The following CTXND1 variants were observed in gnomAD, a reference collection of about 807,000 sequenced individuals.
CTXND1 encodes the protein cortexin domain-containing 1 protein.
At chr15:80,205,009 A>G (rs1403158659) in intron 1 of CTXND1, among the ~76,000 whole-genome samples, 1 of 152,226 alleles carries the variant, frequency 6.6e-6, no homozygotes, top group Non-Finnish European at 1.5e-5. Context: ...TACTGTTGTC[A>G]GGTCTTTATA....
intron 1 of CTXND1, among the ~76,000 whole-genome samples, chr15:80,224,932 C>T (rs1343130901): frequency 6.6e-6 from 1 of 152,190 alleles, no homozygotes; most frequent in Non-Finnish European, 1.5e-5. Context: ...TCAGTAAAGA[C>T]CAGGTTTCGC....
chr15:80,233,596 C>T (rs1439253600), intron 1 of CTXND1, among the ~76,000 whole-genome samples: 1 of 152,100 alleles, frequency 6.6e-6, no homozygotes, highest in Non-Finnish European at 1.5e-5. Context: ...AAGGATTCTT[C>T]CTCCCTGAAC....
At chr15:80,226,007 T>C (rs1315423644) in intron 1 of CTXND1, among the ~76,000 whole-genome samples, 1 of 152,258 alleles carries the variant, frequency 6.6e-6, no homozygotes, top group African/African-American at 2.4e-5. Context: ...GGGTTTATCC[T>C]GAGCACAGTG....
intron 1 of CTXND1, among the ~76,000 whole-genome samples, chr15:80,242,134 TAAGA>T (rs1279950121): frequency 6.6e-6 from 1 of 152,184 alleles, no homozygotes; most frequent in Non-Finnish European, 1.5e-5. Flanking sequence ...AGAGACACCC[TAAGA>T]GAGACAGAGA....
chr15:80,233,554 T>C (rs1379010958), intron 1 of CTXND1, among the ~76,000 whole-genome samples: 3 of 152,088 alleles, frequency 2.0e-5, no homozygotes, highest in Non-Finnish European at 2.9e-5. Context: ...TTTCCTCTAA[T>C]GAGGAGACAT....
intron 1 of CTXND1, among the ~76,000 whole-genome samples, chr15:80,209,211 C>T (rs989281982): frequency 5.3e-5 from 8 of 152,196 alleles, no homozygotes; most frequent in African/African-American, 1.9e-4. Context: ...GACTCAAAAA[C>T]CAGATTTGCT....
chr15:80,211,156 G>A (rs1418130120), intron 1 of CTXND1, among the ~76,000 whole-genome samples: 1 of 152,208 alleles, frequency 6.6e-6, no homozygotes, highest in Non-Finnish European at 1.5e-5. Flanking sequence ...TGTTAGGCCG[G>A]CTCACAGTAA....
intron 1 of CTXND1, among the ~76,000 whole-genome samples, chr15:80,249,220 T>A (rs1893667067): frequency 6.6e-6 from 1 of 152,242 alleles, no homozygotes; most frequent in Admixed American, 6.5e-5. Flanking sequence ...CTGAAAGTGC[T>A]GAGCCACTGT....
Position 80,213,611 on chromosome 15 carries a change from A to C in CTXND1, c.-217-9871T>G, listed in dbSNP as rs150473994. 1.3e-3 allele frequency among the ~76,000 whole-genome samples: 204 copies of C among 152,354 alleles called. 1 individual carries two copies. Among genetic ancestry groups the C allele is most frequent in the Non-Finnish European group, 2.4e-3 (163 of 68,034 alleles). On this transcript the variant is annotated intron_variant, in intron 1 of 2. Transcript: ENST00000560778. ...GGCCAAGGAATGCTGGCAGTGACTA[A>C]GAGTAGAAGGAGCAAGGATAAGAAA...
chr15:80,232,393 T>G (rs1893441181), intron 1 of CTXND1, among the ~76,000 whole-genome samples: 1 of 152,238 alleles, frequency 6.6e-6, no homozygotes, highest in Non-Finnish European at 1.5e-5. Context: ...TCTAATCTGA[T>G]TGTAATTTCA....
intron 1 of CTXND1, among the ~76,000 whole-genome samples, chr15:80,243,480 T>C (rs1181839797): frequency 2.0e-5 from 3 of 152,032 alleles, no homozygotes; most frequent in Non-Finnish European, 4.4e-5. Flanking sequence ...AACCTTGCAA[T>C]GGTAGAGTCT....
chr15:80,204,605 G>A (rs1456317787), intron 1 of CTXND1, among the ~76,000 whole-genome samples: 4 of 148,168 alleles, frequency 2.7e-5, no homozygotes, highest in African/African-American at 1.0e-4. Context: ...ATTGTAGCAT[G>A]TCAGAATTTC....
chr15:80,201,915 T>G lies in CTXND1; in HGVS notation c.35A>C (p.Asp12Ala). ...GGCCAAGGTCAGCCCTTTGTCTACG[T>G]CGACATAGACGGGCTCGGGCGTGGG... ...EEPTPEPVYV[D>A]VDKGLTLACF... Residue 12 changes from aspartate to alanine, a missense_variant, in exon 3 of 3, where the codon GAC (aspartate) becomes GCC (alanine). Physicochemically the swap from Asp to Ala is moderately radical, Grantham distance 126 (BLOSUM62 -2). Coordinates refer to ENST00000560778, the MANE Select transcript of CTXND1 (RefSeq NM_001352888.2). 1 of 398,724 alleles carries G rather than the reference T, an allele frequency of 2.5e-6. No individual in the cohort carries two copies. Among genetic ancestry groups the G allele is most frequent in the Non-Finnish European group, 4.4e-6 (1 of 226,142 alleles). The allele number at this position is 398,724 out of a possible 1,614,324, so 24.7% of individuals were successfully genotyped here. A position where few individuals can be genotyped will look rare whatever the true frequency, so the allele number is the denominator to read the frequency against.
chr15:80,233,481 C>A (rs1012852640), intron 1 of CTXND1, among the ~76,000 whole-genome samples: 1 of 152,180 alleles, frequency 6.6e-6, no homozygotes, highest in Non-Finnish European at 1.5e-5. Flanking sequence ...ATACAAGATG[C>A]TCCTGTCCTT....
intron 1 of CTXND1, among the ~76,000 whole-genome samples, chr15:80,205,974 AAAG>A (rs1379513751): frequency 3.9e-5 from 6 of 152,232 alleles, no homozygotes; most frequent in African/African-American, 1.4e-4. Flanking sequence ...AGAAAATTTG[AAAG>A]AAGATGTTAC....
chr15:80,245,513 A>G (rs973232753), intron 1 of CTXND1, among the ~76,000 whole-genome samples: 6 of 152,150 alleles, frequency 3.9e-5, no homozygotes, highest in Admixed American at 2.0e-4. Flanking sequence ...CCCAGAGCAC[A>G]TGTCCCAAGA....
chr15:80,244,364 C>T (rs1186143618), intron 1 of CTXND1, among the ~76,000 whole-genome samples: 1 of 152,194 alleles, frequency 6.6e-6, no homozygotes, highest in Admixed American at 6.5e-5. Context: ...ATGATCCTTA[C>T]ATTATTCTTG....
At chr15:80,238,365 AT>A (rs941891240) in intron 1 of CTXND1, among the ~76,000 whole-genome samples, 9 of 152,132 alleles carry the variant, frequency 5.9e-5, no homozygotes, top group African/African-American at 1.9e-4. Flanking sequence ...GTGTCATATG[AT>A]TTTTATGTGT....
At chr15:80,220,429 T>C (rs1157791684) in intron 1 of CTXND1, among the ~76,000 whole-genome samples, 3 of 152,228 alleles carry the variant, frequency 2.0e-5, no homozygotes, top group African/African-American at 7.2e-5. Flanking sequence ...TCTCTGCCAA[T>C]ACCATACTGT....
Sources: allele counts gnomAD v4.1 joint callset (sites outside exome capture counted in the v4.1 genomes callset), GRCh38; gene constraint gnomAD v4.1.1; transcripts MANE v1.5; gene names NCBI Gene and HGNC (gene_info 2026-07-23, HGNC 2026-07-21).